The following PGR variants were observed in gnomAD, a reference collection of about 807,000 sequenced individuals.
The protein encoded by PGR is progesterone receptor, also known as nuclear receptor subfamily 3 group C member 3.
Under a neutral mutation model 76.1 loss-of-function variants are expected in PGR, and 25 were observed. The ratio of observed to expected loss-of-function variants is 0.33; its 90% CI spans 0.24 to 0.46. The LOEUF is 0.46. Among genes scored for constraint, PGR ranks in the 20% least tolerant of loss-of-function variants. The pLI, the probability that PGR is intolerant of heterozygous loss-of-function variation, is 1.00. For missense variants in PGR, 1,172 were observed against 1,225.3 expected (o/e 0.96, Z 0.65); for synonymous variants, 579 against 535.0 (o/e 1.08, Z -1.14).
At position 101,129,082 on chromosome 11, in the gene PGR, TCC is replaced by T; in HGVS notation, c.-14_-13del. On this transcript the variant is annotated 5_prime_UTR_variant, in exon 1 of 8. Transcript: ENST00000325455. ...TTCAGCTCAGTCATGACGACTGGAC[TCC>T]CCTTTTCTCCTCCCCCGTCTCCAGG... 6.7e-7 allele frequency: 1 copy of T among 1,500,552 alleles called. No homozygotes were observed. Among genetic ancestry groups the T allele is most frequent in the East Asian group, 2.5e-5 (1 of 39,440 alleles). The allele number at this position is 1,500,552 out of a possible 1,614,324, so 93.0% of individuals were successfully genotyped here.
chr11:101,063,389 T>C (rs1417460384), intron 3 of PGR: 1 of 152,364 alleles, frequency 6.6e-6, no homozygotes, highest in Admixed American at 6.5e-5. Flanking sequence ...TTTATACCCG[T>C]GCTGGTCAGA....
At chr11:101,101,629 T>C (rs573644891) in intron 2 of PGR, among the ~76,000 whole-genome samples, 2 of 152,328 alleles carry the variant, frequency 1.3e-5, no homozygotes, top group Non-Finnish European at 2.9e-5. Flanking sequence ...CACATTTCCT[T>C]CCCATGCTTC....
At chr11:101,051,176 TAATG>T (rs2135393678) in intron 5 of PGR, among the ~76,000 whole-genome samples, 1 of 152,206 alleles carries the variant, frequency 6.6e-6, no homozygotes, top group Admixed American at 6.5e-5. Context: ...TTAAATTGAT[TAATG>T]AAACATTTAA....
intron 4 of PGR, among the ~76,000 whole-genome samples, chr11:101,053,382 T>C (rs1860164206): frequency 6.6e-6 from 1 of 152,190 alleles, no homozygotes; most frequent in Non-Finnish European, 1.5e-5. Context: ...TTAGAACTCC[T>C]TAGCCTCAAT....
At chr11:101,078,722 A>G (rs1317431744) in intron 3 of PGR, among the ~76,000 whole-genome samples, 4 of 152,224 alleles carry the variant, frequency 2.6e-5, no homozygotes, top group African/African-American at 2.4e-5. Flanking sequence ...TAGCCACGGA[A>G]GCAGATAAGA....
rs1229841283 is a variant in PGR, at chr11:101,041,942, T to C, written c.2646+3A>G. ...GATATTCTGGAATCAACCAAATACT[T>C]ACATCATGCAAGTTATCAAGAAGTT... On this transcript the variant is annotated splice_donor_region_variant and intron_variant, in intron 7 of 7. Coordinates refer to ENST00000325455, the MANE Select transcript of PGR (RefSeq NM_000926.4). The C allele has an allele frequency of 2.5e-6, 4 of 1,611,510 alleles. No homozygotes were observed. Among genetic ancestry groups the C allele is most frequent in the African/African-American group, 2.7e-5 (2 of 74,826 alleles).
chr11:101,098,222 A>G (rs1232818694), intron 2 of PGR, among the ~76,000 whole-genome samples: 1 of 152,202 alleles, frequency 6.6e-6, no homozygotes, highest in Non-Finnish European at 1.5e-5. Flanking sequence ...TTATTAGGAA[A>G]TAAAATATCT....
chr11:101,103,183 A>G (rs984562445), intron 2 of PGR, among the ~76,000 whole-genome samples: 1 of 152,116 alleles, frequency 6.6e-6, no homozygotes, highest in Non-Finnish European at 1.5e-5. Context: ...GGTGAAAGTC[A>G]GTATGGTATG....
At chr11:101,072,771 C>A (rs961149111) in intron 3 of PGR, among the ~76,000 whole-genome samples, 1 of 152,176 alleles carries the variant, frequency 6.6e-6, no homozygotes, top group Non-Finnish European at 1.5e-5. Context: ...ACAAGAAGAG[C>A]TGACTATCCT....
At chr11:101,104,442 T>C (rs187040945) in intron 2 of PGR, among the ~76,000 whole-genome samples, 17 of 152,236 alleles carry the variant, frequency 1.1e-4, no homozygotes, top group African/African-American at 4.1e-4. Context: ...GGCTGTTATA[T>C]GGATTAAGTG....
intron 3 of PGR, among the ~76,000 whole-genome samples, chr11:101,083,598 T>A (rs575008138): frequency 6.6e-6 from 1 of 152,304 alleles, no homozygotes; most frequent in Admixed American, 6.5e-5. Flanking sequence ...ATCCCTTGCA[T>A]CAGTATGCTC....
At chr11:101,074,229 A>G (rs1861042724) in intron 3 of PGR, among the ~76,000 whole-genome samples, 2 of 152,154 alleles carry the variant, frequency 1.3e-5, no homozygotes, top group Non-Finnish European at 2.9e-5. Context: ...CAAAAACCAC[A>G]TGATTATCTC....
chr11:101,091,137 T>G lies in PGR; in HGVS notation c.1906+623A>C, dbSNP rs754252666. Among the ~76,000 whole-genome samples the G allele has an allele frequency of 4.1e-4, 62 of 152,206 alleles. 1 individual carries two copies. The highest frequency in any genetic ancestry group is 7.5e-4 in the Non-Finnish European group (51 of 68,026). On this transcript the variant is annotated intron_variant, in intron 3 of 7. Coordinates refer to ENST00000325455, the MANE Select transcript of PGR (RefSeq NM_000926.4). ...CTGTGGCTCGCTTGATCTCCCTCAC[T>G]CTGCTATGTTTTCATTCAAACTATC...
intron 2 of PGR, among the ~76,000 whole-genome samples, chr11:101,124,728 C>G (rs1862786105): frequency 6.6e-6 from 1 of 152,150 alleles, no homozygotes; most frequent in Admixed American, 6.5e-5. Flanking sequence ...CAAAGAACTT[C>G]CAACTGTAAC....
intron 2 of PGR, among the ~76,000 whole-genome samples, chr11:101,111,142 G>C (rs963318465): frequency 1.3e-5 from 2 of 152,052 alleles, no homozygotes; most frequent in African/African-American, 2.4e-5. Flanking sequence ...ATATCTCTAA[G>C]GTATGCCTAT....
At chr11:101,041,001 T>G (rs1043725125) in intron 7 of PGR, among the ~76,000 whole-genome samples, 16 of 150,800 alleles carry the variant, frequency 1.1e-4, no homozygotes, top group African/African-American at 2.9e-4. Context: ...ATTTCTGCCT[T>G]TCTTCATTTA....
At chr11:101,116,316 G>A (rs372435113) in intron 2 of PGR, among the ~76,000 whole-genome samples, 10 of 152,316 alleles carry the variant, frequency 6.6e-5, no homozygotes, top group African/African-American at 2.4e-4. Flanking sequence ...ACCTGAAGGT[G>A]AAAAGTGGCA....
rs983630814 is a variant in PGR at position 101,076,741 on chromosome 11, T to C, written c.1907-13989A>G. 9.9e-5 allele frequency among the ~76,000 whole-genome samples: 15 copies of C among 151,698 alleles called. No individual in the cohort carries two copies. In the South Asian group the frequency reaches 2.1e-3, roughly 21 times the overall value. On this transcript the variant is annotated intron_variant, in intron 3 of 7. Coordinates refer to ENST00000325455, the MANE Select transcript of PGR (RefSeq NM_000926.4). Reference sequence around the variant, plus strand: ...TTGAAATATCTCAGCAAAAATCCTATAGAGAATGGGAGCAGGGAGAAGAAA... The same window carrying C: ...TTGAAATATCTCAGCAAAAATCCTACAGAGAATGGGAGCAGGGAGAAGAAA...
At chr11:101,085,932 G>T (rs1258520638) in intron 3 of PGR, among the ~76,000 whole-genome samples, 1 of 152,086 alleles carries the variant, frequency 6.6e-6, no homozygotes, top group Non-Finnish European at 1.5e-5. Flanking sequence ...CCAATATTGG[G>T]TTCCAAATGG....
Sources: gnomAD v4.1 joint callset for allele counts (sites outside exome capture counted in the v4.1 genomes callset) on GRCh38, gnomAD v4.1.1 for gene constraint, MANE v1.5 for transcripts, NCBI Gene and HGNC (gene_info 2026-07-23, HGNC 2026-07-21) for gene names.